Variants in SEMA5A observed in about 807,000 individuals in gnomAD.
SEMA5A encodes the protein semaphorin-5A.
A neutral mutation model predicts 135.5 loss-of-function variants in SEMA5A; 55 were observed. The ratio of observed to expected loss-of-function variants is 0.41; its 90% CI spans 0.33 to 0.51. SEMA5A has a LOEUF of 0.51. SEMA5A is among the 20% of genes least tolerant of loss of function. SEMA5A has a pLI of 0.37. For missense variants in SEMA5A, 1,290 were observed against 1,419.9 expected (o/e 0.91, Z 1.47); for synonymous variants, 580 against 546.5 (o/e 1.06, Z -0.85).
At chr5:9,352,669 G>T (rs1040732262) in intron 3 of SEMA5A, among the ~76,000 whole-genome samples, 2 of 152,204 alleles carry the variant, frequency 1.3e-5, no homozygotes, top group African/African-American at 2.4e-5. Context: ...TGAATTTAGT[G>T]AAAGAGGTCA....
intron 3 of SEMA5A, among the ~76,000 whole-genome samples, chr5:9,368,015 C>T (rs928510475): frequency 1.3e-5 from 2 of 152,216 alleles, no homozygotes; most frequent in Non-Finnish European, 2.9e-5. Flanking sequence ...GTACAGCCTG[C>T]AGAACTGTTA....
At chr5:9,282,348 C>T (rs914564880) in intron 5 of SEMA5A, among the ~76,000 whole-genome samples, 12 of 152,108 alleles carry the variant, frequency 7.9e-5, no homozygotes, top group Non-Finnish European at 1.3e-4. Flanking sequence ...CTGATTCAAG[C>T]GGTGAGTCCT....
intron 15 of SEMA5A, among the ~76,000 whole-genome samples, chr5:9,108,706 T>C (rs1178930586): frequency 2.0e-5 from 3 of 152,184 alleles, no homozygotes. Flanking sequence ...GGAATTCCTT[T>C]CTCATTCTTG....
At chr5:9,531,823 C>T (rs907784490) in intron 1 of SEMA5A, among the ~76,000 whole-genome samples, 1 of 152,152 alleles carries the variant, frequency 6.6e-6, no homozygotes, top group Non-Finnish European at 1.5e-5. Flanking sequence ...GCTTCATAGA[C>T]CAAATACTAC....
intron 5 of SEMA5A, among the ~76,000 whole-genome samples, chr5:9,314,132 G>A (rs890395016): frequency 6.6e-6 from 1 of 152,156 alleles, no homozygotes; most frequent in African/African-American, 2.4e-5. Context: ...ACTTTGGAGA[G>A]AGAAAAGGAG....
At chr5:9,247,999 C>T (rs1235696365) in intron 5 of SEMA5A, among the ~76,000 whole-genome samples, 3 of 152,112 alleles carry the variant, frequency 2.0e-5, no homozygotes, top group Admixed American at 6.6e-5. Flanking sequence ...CGTATTAAAT[C>T]AAATAAATAA....
chr5:9,262,499 ATGTCCAACAATGATAGAC>A (rs1449662317), intron 5 of SEMA5A, among the ~76,000 whole-genome samples: 1 of 70,418 alleles, frequency 1.4e-5, no homozygotes, highest in African/African-American at 5.9e-5. Flanking sequence ...ACCAAGCCAA[ATGTCCAACAATGATAGAC>A]TGGATTAAGA....
intron 5 of SEMA5A, among the ~76,000 whole-genome samples, chr5:9,250,943 GT>G (rs1311972646): frequency 6.6e-6 from 1 of 152,110 alleles, no homozygotes; most frequent in Non-Finnish European, 1.5e-5. Flanking sequence ...ACATGCTATG[GT>G]TTTAATGCTC....
intron 13 of SEMA5A, among the ~76,000 whole-genome samples, chr5:9,130,756 A>ACTCTC (rs1190860109): frequency 6.6e-6 from 1 of 151,818 alleles, no homozygotes; most frequent in Admixed American, 6.6e-5. Context: ...TCTCTCACCT[A>ACTCTC]CTCTCTAAGC....
chr5:9,267,769 T>G (rs1190003013), intron 5 of SEMA5A, among the ~76,000 whole-genome samples: 1 of 152,006 alleles, frequency 6.6e-6, no homozygotes, highest in Non-Finnish European at 1.5e-5. Flanking sequence ...CTGGCCGGGG[T>G]GGGCATGGGC....
chr5:9,158,512 A>G (rs1464912313), intron 11 of SEMA5A, among the ~76,000 whole-genome samples: 1 of 152,050 alleles, frequency 6.6e-6, no homozygotes, highest in Admixed American at 6.6e-5. Flanking sequence ...AGTAAAAAAA[A>G]AAAAAAAATA....
intron 13 of SEMA5A, among the ~76,000 whole-genome samples, chr5:9,134,129 A>G (rs1331479253): frequency 6.6e-6 from 1 of 152,216 alleles, no homozygotes; most frequent in African/African-American, 2.4e-5. Flanking sequence ...CTGTAAGTCA[A>G]TTAAATCTCT....
intron 1 of SEMA5A, among the ~76,000 whole-genome samples, chr5:9,474,718 A>C (rs1054283294): frequency 1.3e-5 from 2 of 152,158 alleles, no homozygotes; most frequent in African/African-American, 4.8e-5. Flanking sequence ...TAACTCAGTG[A>C]AACTTACTGC....
intron 10 of SEMA5A, among the ~76,000 whole-genome samples, chr5:9,196,596 A>G (rs1436913858): frequency 6.6e-6 from 1 of 152,218 alleles, no homozygotes; most frequent in Non-Finnish European, 1.5e-5. Flanking sequence ...TTTGGGTCCC[A>G]GCTTCTTCTG....
chr5:9,211,610 G>C (rs776407338), intron 8 of SEMA5A, among the ~76,000 whole-genome samples: 3 of 152,076 alleles, frequency 2.0e-5, no homozygotes, highest in Non-Finnish European at 2.9e-5. Context: ...TCAGCACCTG[G>C]TCCCAAGGAG....
At chr5:9,403,116 A>T (rs1295457474) in intron 2 of SEMA5A, among the ~76,000 whole-genome samples, 1 of 152,090 alleles carries the variant, frequency 6.6e-6, no homozygotes, top group African/African-American at 2.4e-5. Flanking sequence ...GATCCACTAC[A>T]AATGCATCCA....
At chr5:9,173,015 C>G (rs1264045625) in intron 11 of SEMA5A, among the ~76,000 whole-genome samples, 1 of 152,172 alleles carries the variant, frequency 6.6e-6, no homozygotes, top group Non-Finnish European at 1.5e-5. Flanking sequence ...GATAAGTGTT[C>G]TCTTGGTCAG....
chr5:9,096,801 T>TGA, intron 16 of SEMA5A, among the ~76,000 whole-genome samples: 1 of 152,144 alleles, frequency 6.6e-6, no homozygotes, highest in East Asian at 1.9e-4. Context: ...AAAAGAAATT[T>TGA]CTCCAAAGAC....
At chr5:9,309,614 C>T (rs1989992) in intron 5 of SEMA5A, among the ~76,000 whole-genome samples, 103,182 of 151,880 alleles carry the variant, frequency 0.68, 38,101 homozygotes, top group Non-Finnish European at 0.83. Context: ...GGATCCTGAA[C>T]GGCAGCATGG....
Sources: allele counts gnomAD v4.1 joint callset (sites outside exome capture counted in the v4.1 genomes callset), GRCh38; gene constraint gnomAD v4.1.1; transcripts MANE v1.5; gene names NCBI Gene and HGNC (gene_info 2026-07-23, HGNC 2026-07-21).